The following NAA35 variants were observed in gnomAD, a reference collection of about 807,000 sequenced individuals.
The protein encoded by NAA35 is MAK10 homolog, amino-acid N-acetyltransferase subunit.
A neutral mutation model predicts 101.7 loss-of-function variants in NAA35; 18 were observed. That is an observed-to-expected ratio of 0.18 (90% CI 0.12 to 0.26). The LOEUF (loss-of-function observed/expected upper bound fraction) is 0.26. NAA35 is among the 10% of genes least tolerant of loss of function. The pLI is 1.00. For missense variants in NAA35, 601 were observed against 886.8 expected, an observed-to-expected ratio of 0.68 and a Z score of 4.09; for synonymous variants, 267 against 273.1, an observed-to-expected ratio of 0.98 and a Z score of 0.22.
intron 2 of NAA35, among the ~76,000 whole-genome samples, chr9:85,952,218 C>G (rs1367157882): frequency 6.8e-6 from 1 of 146,240 alleles, no homozygotes; most frequent in East Asian, 2.0e-4. Context: ...TAACCATAGT[C>G]TGTTGATTGT....
intron 2 of NAA35, among the ~76,000 whole-genome samples, chr9:85,943,637 AAG>A (rs1828622533): frequency 6.6e-6 from 1 of 152,216 alleles, no homozygotes; most frequent in Non-Finnish European, 1.5e-5. Flanking sequence ...CTATCTAAGG[AAG>A]AGAGAAAGAA....
At chr9:85,963,263 C>CTTTTTT (rs527736196) in intron 6 of NAA35, among the ~76,000 whole-genome samples, 25 of 72,310 alleles carry the variant, frequency 3.5e-4, no homozygotes, top group East Asian at 4.6e-4. Flanking sequence ...GAAGGTATGG[C>CTTTTTT]TTTTTTTTTT....
intron 12 of NAA35, among the ~76,000 whole-genome samples, chr9:85,997,931 T>C (rs1831242674): frequency 6.6e-6 from 1 of 152,156 alleles, no homozygotes; most frequent in South Asian, 2.1e-4. Context: ...TTTGTTTGTT[T>C]TGAGACAGAG....
chr9:85,942,055 A>G, intron 1 of NAA35, 100 bp from the exon 2 acceptor site: 2 of 1,498,360 alleles, frequency 1.3e-6, no homozygotes, highest in Non-Finnish European at 1.8e-6. Flanking sequence ...TAAAGAGTTT[A>G]GTTAAGACTT....
chr9:86,004,743 TA>T (rs1440896953), intron 13 of NAA35, among the ~76,000 whole-genome samples: 1 of 152,154 alleles, frequency 6.6e-6, no homozygotes, highest in Non-Finnish European at 1.5e-5. Flanking sequence ...ACAGACTCTG[TA>T]AACATTAAAA....
Position 85,975,016 on chromosome 9 carries a change from C to T in NAA35, c.566C>T (p.Thr189Ile). ...TYGFKMANSV[T>I]DLRVTGMLKD... is the part of the protein sequence containing the mutation. ...GGATTTAAAATGGCTAACAGTGTGA[C>T]AGATCTTCGAGTTACAGGTAAAATT... Residue 189 changes from threonine to isoleucine, a missense_variant, in exon 7 of 23, where the codon ACA (threonine) becomes ATA (isoleucine). Transcript: ENST00000361671. The T allele has an allele frequency of 6.2e-7, 1 of 1,612,842 alleles. No homozygotes were observed.
Position 85,959,882 on chromosome 9 carries a change from A to G in NAA35, c.348+15A>G. ...TTTGCTGTTTGGTAAGAATGGAAAT[A>G]AGACTATTGGTTAATTTTAAAACTG... On this transcript the variant is annotated intron_variant, in intron 5 of 22. Transcript: ENST00000361671. 2.5e-6 allele frequency: 4 copies of G among 1,582,528 alleles called. No individual in the cohort carries two copies. The highest frequency in any genetic ancestry group is 1.1e-5 in the South Asian group (1 of 88,854).
chr9:85,963,131 G>C (rs996198864), intron 6 of NAA35, among the ~76,000 whole-genome samples: 1 of 152,018 alleles, frequency 6.6e-6, no homozygotes, highest in African/African-American at 2.4e-5. Flanking sequence ...TGCTGTTACT[G>C]CTCCAGAATA....
In NAA35 at chr9:86,022,558, T is replaced by TA. The variant is rs1334448877; in HGVS notation, c.*606dup. ...ATATATCTGTAAGAATACAGATGTG[T>TA]AAAAAAAATCCTTTTAGCACTTTTA... is the stretch of plus-strand genomic sequence containing the variant. On this transcript the variant is annotated 3_prime_UTR_variant, in exon 23 of 23. Transcript: ENST00000361671. Among the ~76,000 whole-genome samples the TA allele has an allele frequency of 2.6e-5, 4 of 152,070 alleles. No homozygotes were observed. Among genetic ancestry groups the TA allele is most frequent in the African/African-American group, 9.7e-5 (4 of 41,414 alleles).
intron 2 of NAA35, among the ~76,000 whole-genome samples, chr9:85,954,311 G>A (rs1248668754): frequency 2.0e-5 from 3 of 152,152 alleles, no homozygotes; most frequent in Non-Finnish European, 4.4e-5. Context: ...TTGAACTCGC[G>A]GGCTTAGGCA....
chr9:86,004,426 C>T (rs900253974), intron 13 of NAA35, among the ~76,000 whole-genome samples: 10 of 23,790 alleles, frequency 4.2e-4, no homozygotes, highest in Non-Finnish European at 7.2e-4. Context: ...CTGCAGTGAG[C>T]TGTGATCCCA....
intron 17 of NAA35, chr9:86,015,757 G>T: frequency 2.1e-6 from 2 of 965,560 alleles, no homozygotes; most frequent in Non-Finnish European, 2.5e-6. Flanking sequence ...CATCTTAGTT[G>T]TCCCCTTCAC....
chr9:86,006,136 C>T lies in NAA35; in HGVS notation c.1117-1222C>T, dbSNP rs985029133. Among the ~76,000 whole-genome samples, 6 of 151,884 alleles carry T rather than the reference C, an allele frequency of 4.0e-5. No individual in the cohort carries two copies. The South Asian group carries it at 8.3e-4, about 21-fold the overall frequency. ...AGTAAGCCAAGATCGCACCACTGCA[C>T]TCCAGCCTGGGCAACAGAGCGAGAC... On this transcript the variant is annotated intron_variant, in intron 13 of 22. Transcript: ENST00000361671.
chr9:85,980,249 C>T (rs992470529), intron 11 of NAA35, among the ~76,000 whole-genome samples: 25 of 152,094 alleles, frequency 1.6e-4, no homozygotes, highest in African/African-American at 6.0e-4. Flanking sequence ...GAACTGTGTC[C>T]TCCTGAATTT....
At chr9:85,991,434 G>T (rs1830908151) in intron 11 of NAA35, among the ~76,000 whole-genome samples, 1 of 152,120 alleles carries the variant, frequency 6.6e-6, no homozygotes, top group Non-Finnish European at 1.5e-5. Context: ...AGGTTTCCCA[G>T]GTATGGGGTG....
At chr9:86,003,526 T>G in intron 12 of NAA35, 59 bp from the exon 13 acceptor site, 1 of 943,336 alleles carries the variant, frequency 1.1e-6, no homozygotes. Flanking sequence ...TCTGATGAAG[T>G]GTTTTTAGCT....
At chr9:85,959,688 C>T (rs1461309984) in intron 4 of NAA35, 105 bp from the exon 5 acceptor site, 3 of 683,468 alleles carry the variant, frequency 4.4e-6, no homozygotes, top group African/African-American at 1.8e-5. Context: ...CTTAGAATTG[C>T]TGTTTTTAAA....
intron 11 of NAA35, among the ~76,000 whole-genome samples, chr9:85,981,926 G>A (rs1338708773): frequency 6.6e-6 from 1 of 152,108 alleles, no homozygotes; most frequent in African/African-American, 2.4e-5. Flanking sequence ...GTGACAAGAT[G>A]GCTGTGTAAA....
intron 11 of NAA35, among the ~76,000 whole-genome samples, chr9:85,995,400 T>A (rs866971037): frequency 6.6e-6 from 1 of 151,908 alleles, no homozygotes; most frequent in Non-Finnish European, 1.5e-5. Flanking sequence ...TAGTTTGGAA[T>A]AATTTAAATC....
Sources: allele counts gnomAD v4.1 joint callset (sites outside exome capture counted in the v4.1 genomes callset), GRCh38; gene constraint gnomAD v4.1.1; transcripts MANE v1.5; gene names NCBI Gene and HGNC (gene_info 2026-07-23, HGNC 2026-07-21).